Variants in ZNF69 observed in about 807,000 individuals in gnomAD.
The protein encoded by ZNF69 is zinc finger protein 69.
A neutral mutation model predicts 50.9 loss-of-function variants in ZNF69; 47 were observed. The observed-to-expected ratio is 0.92, with a 90% CI of 0.73 to 1.18. The LOEUF (loss-of-function observed/expected upper bound fraction) is 1.18, where lower values mean the gene tolerates loss of function less well. Among genes scored for constraint, ZNF69 ranks in the 50% most tolerant of loss-of-function variants. The pLI is 0.00. For synonymous variants in ZNF69, 216 were observed against 223.1 expected (o/e 0.97, Z 0.29); for missense variants, 717 against 675.1 (o/e 1.06, Z -0.69).
chr19:11,979,945 A>C, the ZNF69 span: 1 of 1,275,232 alleles, frequency 7.8e-7, no homozygotes. Flanking sequence ...AGTCATTTCA[A>C]ATACCTGAAA....
chr19:11,939,548 T>G, the ZNF69 span, among the ~76,000 whole-genome samples: 1 of 152,224 alleles, frequency 6.6e-6, no homozygotes, highest in Admixed American at 6.5e-5. Flanking sequence ...ATGTGTGGTA[T>G]TATTTCTGAG....
chr19:11,948,049 A>C, the ZNF69 span, among the ~76,000 whole-genome samples: 1 of 152,226 alleles, frequency 6.6e-6, no homozygotes, highest in Non-Finnish European at 1.5e-5. Context: ...ATTGTAAAAT[A>C]GTTTACATGG....
chr19:11,947,263 T>A, the ZNF69 span: 1 of 1,614,092 alleles, frequency 6.2e-7, no homozygotes, highest in East Asian at 2.2e-5. Context: ...AAGAATCTCT[T>A]CAGGGAAGTG....
the ZNF69 span, chr19:11,977,180 T>G: frequency 1.9e-6 from 3 of 1,613,774 alleles, no homozygotes; most frequent in Non-Finnish European, 2.5e-6. Context: ...GATGACAATA[T>G]TCCTTCCCTC....
the ZNF69 span, chr19:11,980,122 T>C: frequency 4.7e-6 from 4 of 851,720 alleles, no homozygotes; most frequent in Non-Finnish European, 7.4e-6. Context: ...GAAAACATGG[T>C]AGGACTCACA....
rs1425891272 is a variant in ZNF69, at chr19:11,906,164, A to C, written c.*66A>C. ...GTAGGACACACAATCAAGAGAAACC[A>C]TGAATGTAAAGAATGTGGGAAACCC... On this transcript the variant is annotated 3_prime_UTR_variant, in exon 4 of 4. Transcript: ENST00000429654. 8 of 1,571,492 alleles carry C rather than the reference A, an allele frequency of 5.1e-6. No individual in the cohort carries two copies. In the East Asian group the frequency reaches 1.1e-4, roughly 22 times the overall value.
rs780540850 is a variant in ZNF69 at position 11,903,590 on chromosome 19, T to G, written c.81T>G (p.Asp27Glu). 20 of 1,614,012 alleles carry G rather than the reference T, an allele frequency of 1.2e-5. 1 individual carries two copies. In the Admixed American group the frequency reaches 1.8e-4, roughly 15 times the overall value. ...TGTTTCAGGACCCAGTGGCCTTTGA[T>G]GATGTTGCTGTGAACTTCACCCAGG... ...ESQEMDPVAF[D>E]DVAVNFTQEE... Residue 27 changes from aspartate to glutamate, a missense_variant, in exon 2 of 4, where the codon GAT (aspartate) becomes GAG (glutamate). Asp to Glu is a conservative substitution (Grantham distance 45). Coordinates refer to ENST00000429654, the MANE Select transcript of ZNF69 (RefSeq NM_001364730.1).
chr19:11,918,947 G>A (rs1358447732), downstream of ZNF69, among the ~76,000 whole-genome samples: 1 of 150,338 alleles, frequency 6.7e-6, no homozygotes, highest in Non-Finnish European at 1.5e-5. Flanking sequence ...CCAGGCTGGA[G>A]TGCAGTGGTG....
chr19:11,969,152 T>C, the ZNF69 span, among the ~76,000 whole-genome samples: 1 of 152,246 alleles, frequency 6.6e-6, no homozygotes, highest in Admixed American at 6.5e-5. Context: ...TCGGCTAGGC[T>C]GGAGTGCAGC....
chr19:11,927,069 C>G, the ZNF69 span, among the ~76,000 whole-genome samples: 1 of 152,192 alleles, frequency 6.6e-6, no homozygotes, highest in Non-Finnish European at 1.5e-5. Context: ...GAAAGCTACT[C>G]TGGGCCAGCA....
chr19:11,949,855 G>A, the ZNF69 span: 1 of 1,613,840 alleles, frequency 6.2e-7, no homozygotes, highest in African/African-American at 1.3e-5. Flanking sequence ...TCGAAAGCAT[G>A]GTAGGACTCA....
At chr19:11,957,657 C>T in the ZNF69 span, among the ~76,000 whole-genome samples, 4 of 151,870 alleles carry the variant, frequency 2.6e-5, no homozygotes, top group Non-Finnish European at 5.9e-5. Context: ...CCACCCTGGC[C>T]AGCATGGTGA....
the ZNF69 span, chr19:11,950,460 A>G: frequency 1.4e-6 from 1 of 703,820 alleles, no homozygotes; most frequent in African/African-American, 1.8e-5. Flanking sequence ...CTCACACGGG[A>G]GAGAAACCCT....
At chr19:11,935,125 G>A in the ZNF69 span, among the ~76,000 whole-genome samples, 6 of 137,584 alleles carry the variant, frequency 4.4e-5, no homozygotes, top group South Asian at 6.9e-4. Flanking sequence ...GCAGTGGGCC[G>A]AGATGGCACC....
chr19:11,930,242 G>T, the ZNF69 span, among the ~76,000 whole-genome samples: 1 of 148,574 alleles, frequency 6.7e-6, no homozygotes, highest in Non-Finnish European at 1.5e-5. Context: ...TGTTGCTATT[G>T]AGGAAAAACA....
At chr19:11,907,068 A>C (rs1055680924), downstream of ZNF69, among the ~76,000 whole-genome samples, 1 of 152,210 alleles carries the variant, frequency 6.6e-6, no homozygotes, top group Non-Finnish European at 1.5e-5. Flanking sequence ...AAGTGGAAGA[A>C]AAGGTATCAG....
chr19:11,954,997 T>A, the ZNF69 span, among the ~76,000 whole-genome samples: 262 of 88,200 alleles, frequency 3.0e-3, 1 homozygote, highest in Middle Eastern at 5.7e-3. Context: ...TTCAAAAAAA[T>A]TTTTTTTTTT....
chr19:11,950,063 A>G, the ZNF69 span: 1 of 1,614,226 alleles, frequency 6.2e-7, no homozygotes, highest in Non-Finnish European at 8.5e-7. Flanking sequence ...GAATGTAAGC[A>G]TTGTGGGAAT....
At chr19:11,938,994 C>T in the ZNF69 span, among the ~76,000 whole-genome samples, 4 of 151,866 alleles carry the variant, frequency 2.6e-5, no homozygotes, top group African/African-American at 4.8e-5. Flanking sequence ...GAGCATTTTT[C>T]CATGTGTCTG....
Sources: gnomAD v4.1 joint callset for allele counts (sites outside exome capture counted in the v4.1 genomes callset) on GRCh38, gnomAD v4.1.1 for gene constraint, MANE v1.5 for transcripts, NCBI Gene and HGNC (gene_info 2026-07-23, HGNC 2026-07-21) for gene names.